The following FAM186B variants were observed in gnomAD, a reference collection of about 807,000 sequenced individuals.
FAM186B encodes family with sequence similarity 186 member B.
A neutral mutation model predicts 83.4 loss-of-function variants in FAM186B; 68 were observed. That is an observed-to-expected ratio of 0.81 (90% CI 0.67 to 1.00). The LOEUF (loss-of-function observed/expected upper bound fraction) is 1.00. Among genes scored for constraint, FAM186B ranks in the 50% least tolerant of loss-of-function variants. The probability of loss-of-function intolerance (pLI) is 0.00; values close to 1 mark genes in which losing one functional copy is unlikely to be tolerated. For missense variants in FAM186B, 983 were observed against 1,099.2 expected (o/e 0.89, Z 1.49); for synonymous variants, 389 against 422.0 (o/e 0.92, Z 0.96).
upstream of FAM186B, among the ~76,000 whole-genome samples, chr12:49,609,895 A>T (rs2138321894): frequency 6.6e-6 from 1 of 152,314 alleles, no homozygotes; most frequent in Admixed American, 6.5e-5. Context: ...CATTCCATGG[A>T]TCAGCCCATT....
rs138236449 is a variant in FAM186B at position 49,596,972 on chromosome 12, G to A, written c.2364+1783C>T. Among the ~76,000 whole-genome samples, 167 of 152,296 alleles carry A rather than the reference G, an allele frequency of 1.1e-3. 1 individual carries two copies. Among genetic ancestry groups the A allele is most frequent in the African/African-American group, 3.6e-3 (149 of 41,552 alleles). ...TAAATGATGGACCACATATATGACC[G>A]TGGTCTCATAAGATTATAATACCAT... On this transcript the variant is annotated intron_variant, in intron 5 of 6. Transcript: ENST00000257894.
chr12:49,602,922 C>T (rs1042058092), intron 3 of FAM186B, among the ~76,000 whole-genome samples: 1 of 152,152 alleles, frequency 6.6e-6, no homozygotes, highest in African/African-American at 2.4e-5. Flanking sequence ...TTCCTCAGAA[C>T]CTACGTGAGG....
upstream of FAM186B, among the ~76,000 whole-genome samples, chr12:49,608,183 C>T (rs1425858730): frequency 6.7e-6 from 1 of 149,512 alleles, no homozygotes; most frequent in African/African-American, 2.5e-5. Flanking sequence ...AGCAAGACTT[C>T]ATACCTTAAA....
intron 5 of FAM186B, among the ~76,000 whole-genome samples, chr12:49,597,649 A>G (rs1282474641): frequency 1.3e-5 from 2 of 152,216 alleles, no homozygotes; most frequent in South Asian, 2.1e-4. Context: ...ACTATGTGAG[A>G]TGATGGATAT....
chr12:49,600,187 C>T lies in FAM186B; in HGVS notation c.1453G>A (p.Gly485Ser), dbSNP rs146948851. The T allele has an allele frequency of 1.7e-5, 28 of 1,613,190 alleles. No homozygotes were observed. The highest frequency in any genetic ancestry group is 1.6e-4 in the Middle Eastern group (1 of 6,082). Residue 485 changes from glycine to serine, a missense_variant, in exon 4 of 7, where the codon GGC becomes AGC. Physicochemically the swap from Gly to Ser is moderately conservative, Grantham distance 56 (BLOSUM62 0). Coordinates refer to ENST00000257894, the MANE Select transcript of FAM186B (RefSeq NM_032130.3). The surrounding 1 kb of genome is among the most constrained non-coding windows in gnomAD (Gnocchi z 4.3). Reference sequence around the variant, plus strand: ...CACAGCTGCCTCCGCATCTCCCGGCCGAATTCCTCCTCCCAGGGCTCCTCT... The same window carrying T: ...CACAGCTGCCTCCGCATCTCCCGGCTGAATTCCTCCTCCCAGGGCTCCTCT... ...SQEEPWEEEF[G>S]REMRRQLWLE...
chr12:49,616,849 A>G, the FAM186B span, among the ~76,000 whole-genome samples: 1 of 152,206 alleles, frequency 6.6e-6, no homozygotes, highest in African/African-American at 2.4e-5. Context: ...TTATATGTAA[A>G]TTACACCTCA....
upstream of FAM186B, among the ~76,000 whole-genome samples, chr12:49,607,565 C>T (rs969944393): frequency 2.6e-5 from 4 of 151,882 alleles, no homozygotes; most frequent in Non-Finnish European, 4.4e-5. Context: ...AACTCCAGCC[C>T]CAGATAGTTT....
chr12:49,621,841 C>CA, the FAM186B span, among the ~76,000 whole-genome samples: 1 of 152,142 alleles, frequency 6.6e-6, no homozygotes. Flanking sequence ...GGGAGGGCTG[C>CA]AGCTGGGGGA....
At chr12:49,608,491 CA>C (rs546459596), upstream of FAM186B, among the ~76,000 whole-genome samples, 2,724 of 80,982 alleles carry the variant, frequency 0.034, 62 homozygotes, top group African/African-American at 0.1. Flanking sequence ...ACTCCGTCTC[CA>C]AAAAAAAAAA....
intron 5 of FAM186B, among the ~76,000 whole-genome samples, chr12:49,596,864 T>C (rs1408107320): frequency 6.6e-6 from 1 of 152,194 alleles, no homozygotes; most frequent in Admixed American, 6.5e-5. Context: ...AGCCAAGATA[T>C]GGAAACAACC....
upstream of FAM186B, among the ~76,000 whole-genome samples, chr12:49,606,311 T>C (rs1401961519): frequency 2.0e-5 from 3 of 151,680 alleles, no homozygotes; most frequent in African/African-American, 7.3e-5. Context: ...CTGGGCAACA[T>C]GGTGAGAGCC....
intron 1 of FAM186B, 36 bp from the exon 2 acceptor site, chr12:49,604,574 TG>T: frequency 6.3e-7 from 1 of 1,584,332 alleles, no homozygotes; most frequent in Non-Finnish European, 8.7e-7. Context: ...GTTAGGGCTG[TG>T]GACTTGAGCC....
intron 1 of FAM186B, chr12:49,605,107 A>G (rs1939981715): frequency 8.4e-7 from 1 of 1,192,508 alleles, no homozygotes; most frequent in African/African-American, 1.6e-5. Context: ...AAAACCCACC[A>G]CACCACCACG....
chr12:49,605,777 T>C (rs80322111), upstream of FAM186B: 1 of 226,334 alleles, frequency 4.4e-6, no homozygotes, highest in South Asian at 6.9e-5. Context: ...TTTTTTTTTT[T>C]GAGACGGAGT....
chr12:49,615,397 G>A, the FAM186B span, among the ~76,000 whole-genome samples: 1 of 152,226 alleles, frequency 6.6e-6, no homozygotes, highest in African/African-American at 2.4e-5. Flanking sequence ...TTGCAAACAT[G>A]TATTTGATAA....
chr12:49,585,485 A>G (rs1418638858), downstream of FAM186B, among the ~76,000 whole-genome samples: 1 of 152,150 alleles, frequency 6.6e-6, no homozygotes, highest in African/African-American at 2.4e-5. Context: ...TGCTTGTAAG[A>G]CAAAGCTGAA....
intron 3 of FAM186B, among the ~76,000 whole-genome samples, chr12:49,601,928 T>C (rs1486166872): frequency 2.0e-5 from 3 of 152,172 alleles, no homozygotes. Context: ...AATTAAGGGA[T>C]ACTGAAGTTG....
At chr12:49,601,370 C>G (rs1025186738) in intron 3 of FAM186B, among the ~76,000 whole-genome samples, 1 of 152,200 alleles carries the variant, frequency 6.6e-6, no homozygotes, top group Non-Finnish European at 1.5e-5. Context: ...CTGCAGAGAC[C>G]AGAAGGGCCT....
downstream of FAM186B, chr12:49,584,544 A>G (rs1215539913): frequency 1.4e-6 from 1 of 702,166 alleles, no homozygotes; most frequent in Non-Finnish European, 2.6e-6. Flanking sequence ...GACTCGCTTG[A>G]CTTTTTTTGA....
Sources: allele counts gnomAD v4.1 joint callset (sites outside exome capture counted in the v4.1 genomes callset), GRCh38; gene constraint gnomAD v4.1.1; non-coding constraint Gnocchi (gnomAD v3.1); transcripts MANE v1.5; gene names NCBI Gene and HGNC (gene_info 2026-07-23, HGNC 2026-07-21).